Variants in MAPRE2 observed in about 807,000 individuals in gnomAD.
MAPRE2 encodes the protein microtubule associated protein RP/EB family member 2.
Under a neutral mutation model 43.2 loss-of-function variants are expected in MAPRE2, and 13 were observed. The observed-to-expected ratio is 0.30, with a 90% CI of 0.20 to 0.48. The LOEUF (loss-of-function observed/expected upper bound fraction) is 0.48, where lower values mean the gene tolerates loss of function less well. Ranked by LOEUF, MAPRE2 falls within the 20% of genes least tolerant of loss-of-function variation. The pLI is 0.99. For synonymous variants in MAPRE2, 135 were observed against 148.8 expected, an observed-to-expected ratio of 0.91 and a Z score of 0.68; for missense variants, 161 against 400.2, an observed-to-expected ratio of 0.40 and a Z score of 5.10.
Position 35,127,083 on chromosome 18 carries a change from A to G in MAPRE2, c.746A>G (p.Glu249Gly). Residue 249 changes from glutamate to glycine, a missense_variant, in exon 5 of 7, where the codon GAA (glutamate) becomes GGA (glycine). Physicochemically the swap from Glu to Gly is moderately conservative, Grantham distance 98 (BLOSUM62 -2). This residue lies in a region of MAPRE2 where 96 missense variants were observed against 153.3 expected (regional missense o/e 0.63). Transcript: ENST00000300249. ...GAAACGCAGGTCATACAGCTTAATG[A>G]ACAGGTAATGCATCAGCTCTGGCCA... ...DLETQVIQLN[E>G]QVHSLKLALE... 1 of 1,614,152 alleles carries G rather than the reference A, an allele frequency of 6.2e-7. No individual in the cohort carries two copies.
chr18:35,045,051 CA>C (rs1342389809), intron 1 of MAPRE2, among the ~76,000 whole-genome samples: 1 of 152,152 alleles, frequency 6.6e-6, no homozygotes, highest in East Asian at 1.9e-4. Context: ...AGAGTAAGTA[CA>C]AAAATGGCTT....
At chr18:34,999,462 G>A (rs1485474948) in intron 1 of MAPRE2, among the ~76,000 whole-genome samples, 1 of 152,176 alleles carries the variant, frequency 6.6e-6, no homozygotes, top group Non-Finnish European at 1.5e-5. Context: ...ATGGATAAAT[G>A]ATGATTCCAA....
At chr18:34,985,064 TAAAATA>T (rs2097018780) in intron 1 of MAPRE2, among the ~76,000 whole-genome samples, 1 of 77,268 alleles carries the variant, frequency 1.3e-5, no homozygotes, top group African/African-American at 5.4e-5. Context: ...ATATAATATA[TAAAATA>T]AAATATATTA....
chr18:35,084,461 A>G (rs540233001), intron 2 of MAPRE2, among the ~76,000 whole-genome samples: 1 of 152,350 alleles, frequency 6.6e-6, no homozygotes, highest in East Asian at 1.9e-4. Flanking sequence ...CAGATAAAAG[A>G]CCAATCACAT....
At chr18:35,099,625 A>G (rs1908582216) in intron 3 of MAPRE2, among the ~76,000 whole-genome samples, 1 of 152,214 alleles carries the variant, frequency 6.6e-6, no homozygotes, top group Admixed American at 6.5e-5. Flanking sequence ...TGAAATAAAA[A>G]ATAAAAATTT....
At chr18:35,054,989 C>A (rs558968712) in intron 1 of MAPRE2, among the ~76,000 whole-genome samples, 1 of 152,136 alleles carries the variant, frequency 6.6e-6, no homozygotes, top group Non-Finnish European at 1.5e-5. Context: ...ATTCTGAAAT[C>A]TAGTATACTG....
intron 1 of MAPRE2, among the ~76,000 whole-genome samples, chr18:34,980,363 A>T (rs1417612755): frequency 6.6e-6 from 1 of 152,146 alleles, no homozygotes; most frequent in East Asian, 1.9e-4. Context: ...TCTTGCACAC[A>T]GCAAGCACTC....
chr18:35,023,238 C>T (rs927242120), intron 2 of MAPRE2, among the ~76,000 whole-genome samples: 23 of 152,110 alleles, frequency 1.5e-4, no homozygotes, highest in African/African-American at 5.1e-4. Flanking sequence ...GTTGGCCGGG[C>T]GTGGTGGCTT....
At chr18:35,009,197 G>A (rs538633973) in intron 2 of MAPRE2, among the ~76,000 whole-genome samples, 4 of 152,228 alleles carry the variant, frequency 2.6e-5, no homozygotes, top group Middle Eastern at 6.8e-3. Flanking sequence ...AGTTTGGGGA[G>A]GGGGAGGTAG....
chr18:35,024,915 G>T (rs942110458), intron 2 of MAPRE2, among the ~76,000 whole-genome samples: 17 of 151,980 alleles, frequency 1.1e-4, no homozygotes, highest in African/African-American at 4.1e-4. Flanking sequence ...GGGTGAGTGA[G>T]AAAAATATAA....
In MAPRE2 at chr18:35,019,126, A is replaced by G. The variant is rs114847636; in HGVS notation, c.-8+13573A>G. Among the ~76,000 whole-genome samples, 937 of 151,914 alleles carry G rather than the reference A, an allele frequency of 6.2e-3. 10 individuals are homozygous for G. Among genetic ancestry groups the G allele is most frequent in the African/African-American group, 0.021 (889 of 41,492 alleles). ...AGGGAGCAAGTTGTTTAACTTCCAT[A>G]TTATGTACCTTTGAGGAGTCTTCTT... On this transcript the variant is annotated intron_variant, in intron 2 of 7. Transcript: ENST00000413393.
At chr18:34,984,719 T>G (rs1387369945) in intron 1 of MAPRE2, among the ~76,000 whole-genome samples, 2 of 145,094 alleles carry the variant, frequency 1.4e-5, no homozygotes, top group Non-Finnish European at 3.0e-5. Context: ...TATCATAATC[T>G]ACATTCACAT....
intron 5 of MAPRE2, among the ~76,000 whole-genome samples, chr18:35,128,963 C>T (rs531735362): frequency 8.4e-4 from 128 of 152,294 alleles, no homozygotes; most frequent in Admixed American, 1.7e-3. Context: ...AGCCCCATCC[C>T]CAGGGAACTC....
At chr18:35,026,559 A>C (rs1166027423) in intron 2 of MAPRE2, among the ~76,000 whole-genome samples, 6 of 152,000 alleles carry the variant, frequency 3.9e-5, no homozygotes, top group Admixed American at 3.9e-4. Flanking sequence ...AAACAGGCGC[A>C]GTCTGCAGAG....
At chr18:35,028,843 G>A (rs1190276547) in intron 2 of MAPRE2, among the ~76,000 whole-genome samples, 2 of 152,208 alleles carry the variant, frequency 1.3e-5, no homozygotes, top group African/African-American at 4.8e-5. Context: ...GGAATGGCGT[G>A]AAGACAGGCT....
intron 1 of MAPRE2, among the ~76,000 whole-genome samples, chr18:34,990,614 C>T (rs143331760): frequency 6.6e-6 from 1 of 152,182 alleles, no homozygotes; most frequent in East Asian, 1.9e-4. Context: ...TTTCATCTAG[C>T]GCTACGTTCA....
chr18:35,112,469 C>G (rs927941161), intron 4 of MAPRE2, among the ~76,000 whole-genome samples: 19 of 152,314 alleles, frequency 1.2e-4, no homozygotes, highest in Admixed American at 5.9e-4. Context: ...CCACACCCGG[C>G]AGAACATTGT....
chr18:35,093,883 G>A (rs576694166), intron 2 of MAPRE2, among the ~76,000 whole-genome samples: 4 of 152,304 alleles, frequency 2.6e-5, no homozygotes, highest in African/African-American at 9.6e-5. Flanking sequence ...TAACAATATT[G>A]TGTTGTATAT....
intron 1 of MAPRE2, 49 bp downstream of exon 1, chr18:35,041,710 G>A (rs1225318425): frequency 6.2e-7 from 1 of 1,613,206 alleles, no homozygotes; most frequent in South Asian, 1.1e-5. Context: ...GTGAGGGCGC[G>A]CGGAAATCCA....
Sources: gnomAD v4.1 joint callset for allele counts (sites outside exome capture counted in the v4.1 genomes callset) on GRCh38, gnomAD v4.1.1 for gene constraint, gnomAD v4.1.1 regional missense constraint, MANE v1.5 for transcripts, NCBI Gene and HGNC (gene_info 2026-07-23, HGNC 2026-07-21) for gene names.